The following SPECC1 variants were observed in gnomAD, a reference collection of about 807,000 sequenced individuals.
SPECC1 encodes the protein sperm antigen with calponin homology and coiled-coil domains 1.
In SPECC1, 62 loss-of-function variants were observed where a neutral mutation model predicts 104.1. The ratio of observed to expected loss-of-function variants is 0.60; its 90% CI spans 0.49 to 0.74. The LOEUF (loss-of-function observed/expected upper bound fraction) is 0.74. Among genes scored for constraint, SPECC1 ranks in the 30% least tolerant of loss-of-function variants. SPECC1 has a pLI of 0.00. For synonymous variants in SPECC1, 513 were observed against 501.6 expected (o/e 1.02, Z -0.30); for missense variants, 1,306 against 1,310.5 (o/e 1.00, Z 0.05).
At chr17:20,073,369 C>T (rs1285146816) in intron 1 of SPECC1, among the ~76,000 whole-genome samples, 1 of 152,192 alleles carries the variant, frequency 6.6e-6, no homozygotes, top group Non-Finnish European at 1.5e-5. Context: ...CAGCCTACAT[C>T]TTGAAACCCT....
intron 3 of SPECC1, among the ~76,000 whole-genome samples, chr17:20,115,102 T>C (rs1261626081): frequency 6.6e-6 from 1 of 152,104 alleles, no homozygotes; most frequent in Non-Finnish European, 1.5e-5. Flanking sequence ...TTAGATCTAA[T>C]GTATACTGCA....
chr17:20,093,447 A>G (rs182299595), intron 1 of SPECC1, among the ~76,000 whole-genome samples: 6 of 152,330 alleles, frequency 3.9e-5, no homozygotes, highest in Non-Finnish European at 8.8e-5. Context: ...AGCTATTTAC[A>G]TAGAGCATTT....
intron 9 of SPECC1, among the ~76,000 whole-genome samples, chr17:20,253,041 GTT>G (rs374086016): frequency 6.9e-6 from 1 of 145,826 alleles, no homozygotes. Flanking sequence ...TTCTTTTTCA[GTT>G]TTTTTTTTTT....
chr17:20,197,914 A>G (rs2036143754), intron 3 of SPECC1, among the ~76,000 whole-genome samples: 1 of 152,208 alleles, frequency 6.6e-6, no homozygotes, highest in Non-Finnish European at 1.5e-5. Flanking sequence ...AACATTACAG[A>G]GGAGATAAAT....
chr17:20,115,280 C>A (rs1012225990), intron 3 of SPECC1, among the ~76,000 whole-genome samples: 10 of 152,126 alleles, frequency 6.6e-5, no homozygotes, highest in African/African-American at 1.4e-4. Context: ...CAAGACTAGC[C>A]TGGCCAACAT....
chr17:20,154,347 A>C (rs531210770), intron 3 of SPECC1, among the ~76,000 whole-genome samples: 3 of 152,294 alleles, frequency 2.0e-5, no homozygotes, highest in Admixed American at 2.0e-4. Flanking sequence ...TAGTAGGGTG[A>C]CATTTGAGCA....
chr17:20,028,927 T>A (rs1037018372), intron 1 of SPECC1, among the ~76,000 whole-genome samples: 1 of 152,142 alleles, frequency 6.6e-6, no homozygotes, highest in Non-Finnish European at 1.5e-5. Context: ...CACGCCTGAC[T>A]AATTTTGTAT....
At chr17:20,035,865 T>G (rs917464249) in intron 1 of SPECC1, among the ~76,000 whole-genome samples, 14 of 152,258 alleles carry the variant, frequency 9.2e-5, no homozygotes, top group African/African-American at 3.1e-4. Context: ...CGGAGTCTCG[T>G]TCTCTCACCC....
chr17:20,243,791 A>G (rs1181588721), intron 7 of SPECC1, among the ~76,000 whole-genome samples: 1 of 152,226 alleles, frequency 6.6e-6, no homozygotes, highest in Non-Finnish European at 1.5e-5. Flanking sequence ...TAGATAACTG[A>G]AAGGAATAAC....
At chr17:20,058,488 A>G (rs1028432623) in intron 1 of SPECC1, among the ~76,000 whole-genome samples, 1 of 152,004 alleles carries the variant, frequency 6.6e-6, no homozygotes, top group South Asian at 2.1e-4. Flanking sequence ...TGAGACCCCC[A>G]TCTCTATAAA....
chr17:20,312,345 C>T (rs1436709765), intron 14 of SPECC1, among the ~76,000 whole-genome samples: 1 of 98,578 alleles, frequency 1.0e-5, no homozygotes, highest in South Asian at 4.2e-4. Flanking sequence ...AACATCTTTT[C>T]ACAAATTCTC....
At chr17:20,279,083 A>T (rs936922881) in intron 12 of SPECC1, among the ~76,000 whole-genome samples, 7 of 152,042 alleles carry the variant, frequency 4.6e-5, no homozygotes, top group African/African-American at 1.7e-4. Context: ...GGAGGCCTTG[A>T]TTTTTGCTGC....
chr17:20,230,256 C>G (rs2038489231), intron 5 of SPECC1, among the ~76,000 whole-genome samples: 1 of 152,208 alleles, frequency 6.6e-6, no homozygotes, highest in Non-Finnish European at 1.5e-5. Context: ...CATGGCAACT[C>G]TCTGCAACTA....
intron 1 of SPECC1, among the ~76,000 whole-genome samples, chr17:20,045,736 G>A (rs953881633): frequency 6.6e-6 from 1 of 152,160 alleles, no homozygotes; most frequent in African/African-American, 2.4e-5. Context: ...GGTTGGCCAG[G>A]TGTGTGCTTA....
intron 3 of SPECC1, among the ~76,000 whole-genome samples, chr17:20,136,415 A>G (rs2029972792): frequency 7.5e-6 from 1 of 132,894 alleles, no homozygotes; most frequent in African/African-American, 2.8e-5. Flanking sequence ...GCAGAGCTAG[A>G]CTCCATCTAT....
chr17:20,021,697 TATATA>T (rs2044388951), intron 1 of SPECC1, among the ~76,000 whole-genome samples: 4 of 112,948 alleles, frequency 3.5e-5, no homozygotes, highest in African/African-American at 1.8e-4. Flanking sequence ...TATATATATA[TATATA>T]TTTTTTTGTA....
chr17:20,204,814 C>G lies in SPECC1; in HGVS notation c.765C>G (p.Ile255Met), dbSNP rs939073101. 43 of 1,613,966 alleles carry G rather than the reference C, an allele frequency of 2.7e-5. No homozygotes were observed. The highest frequency in any genetic ancestry group is 3.4e-5 in the Non-Finnish European group (40 of 1,180,048). ...ACCGGGTCCTGAAGGAGAAACTGAT[C>G]TATCTTGAGCACTCCCCAAATTCAG... The part of the protein sequence containing the change: ...EENRVLKEKL[I>M]YLEHSPNSEG... Residue 255 changes from isoleucine (I) to methionine (M), a missense_variant, in exon 4 of 15, where the codon ATC becomes ATG. By Grantham distance (10) the Ile-to-Met change is conservative. This residue lies in a region of SPECC1 where 1,177 missense variants were observed against 1,139.9 expected (regional missense o/e 1.03). Transcript: ENST00000395527.
chr17:20,227,127 G>A (rs1220678930), intron 4 of SPECC1, among the ~76,000 whole-genome samples: 1 of 152,184 alleles, frequency 6.6e-6, no homozygotes, highest in Non-Finnish European at 1.5e-5. Flanking sequence ...CCAGCCATTT[G>A]GAAGCATACA....
At chr17:20,082,035 G>C (rs1483267985) in intron 1 of SPECC1, among the ~76,000 whole-genome samples, 3 of 152,156 alleles carry the variant, frequency 2.0e-5, no homozygotes, top group Non-Finnish European at 4.4e-5. Context: ...CAAAGCCTCA[G>C]CTCTTCAACC....
Sources: allele counts gnomAD v4.1 joint callset (sites outside exome capture counted in the v4.1 genomes callset), GRCh38; gene constraint gnomAD v4.1.1; regional missense constraint gnomAD v4.1.1; transcripts MANE v1.5; gene names NCBI Gene and HGNC (gene_info 2026-07-23, HGNC 2026-07-21).